CNPY4: variants seen among roughly 807,000 people sequenced by gnomAD.
CNPY4 encodes protein canopy homolog 4.
In CNPY4, 33 loss-of-function variants were observed where a neutral mutation model predicts 30.1. The observed-to-expected ratio is 1.10, with a 90% CI of 0.83 to 1.46. CNPY4 has a LOEUF of 1.46. Among genes scored for constraint, CNPY4 ranks in the 40% most tolerant of loss-of-function variants. The pLI, the probability that CNPY4 is intolerant of heterozygous loss-of-function variation, is 0.00. For missense variants in CNPY4, 324 were observed against 302.6 expected (o/e 1.07, Z -0.52); for synonymous variants, 109 against 110.1 (o/e 0.99, Z 0.06).
intron 1 of CNPY4, 191 bp from the exon 2 acceptor site, chr7:100,122,068 A>ATT: frequency 2.1e-6 from 1 of 483,178 alleles, no homozygotes; most frequent in Non-Finnish European, 3.6e-6. Flanking sequence ...AAAAAAAAAG[A>ATT]TGAAGAAACC....
chr7:100,123,993 G>A (rs1057130248), intron 4 of CNPY4, among the ~76,000 whole-genome samples: 1 of 152,038 alleles, frequency 6.6e-6, no homozygotes. Flanking sequence ...GCCGGGCGTG[G>A]TGGTGTGGTG....
At chr7:100,124,066 G>A (rs1298051382) in intron 4 of CNPY4, among the ~76,000 whole-genome samples, 1 of 151,846 alleles carries the variant, frequency 6.6e-6, no homozygotes, top group Non-Finnish European at 1.5e-5. Context: ...GAACCCGGGA[G>A]GCGGAGGTTG....
chr7:100,124,657 C>A (rs757837953), intron 5 of CNPY4, 26 bp downstream of exon 5: 4 of 1,611,666 alleles, frequency 2.5e-6, no homozygotes, highest in Non-Finnish European at 3.4e-6. Context: ...GAACTCCTCT[C>A]CTGCCAAGCC....
chr7:100,123,543 G>A (rs902524403), intron 4 of CNPY4, among the ~76,000 whole-genome samples: 2 of 151,532 alleles, frequency 1.3e-5, no homozygotes, highest in East Asian at 1.9e-4. Context: ...TTTTCAAGAC[G>A]GAGTTTCACT....
rs1232282877 is a variant in CNPY4, at chr7:100,124,816, G to A, written c.675G>A (p.Glu225=). ...GEEEQEEEEE[E]EEEEGGDKMT... ...AAGAGCAGGAGGAGGAGGAGGAAGA[G>A]GAGGAAGAGGAAGGGGGAGACAAGA... The change falls in exon 6 of 6, where the codon GAG becomes GAA. Residue 225 remains glutamate (E), a synonymous_variant. Transcript: ENST00000262932. 2 of 1,613,524 alleles carry A rather than the reference G, an allele frequency of 1.2e-6. No homozygotes were observed. Among genetic ancestry groups the A allele is most frequent in the Non-Finnish European group, 8.5e-7 (1 of 1,179,694 alleles).
rs777942559 is a variant in CNPY4, at chr7:100,119,836, CAG to C, written c.94_95del (p.Glu32ThrfsTer10). The C allele has an allele frequency of 6.2e-7, 1 of 1,613,096 alleles. No individual in the cohort carries two copies. Among genetic ancestry groups the C allele is most frequent in the Non-Finnish European group, 8.5e-7 (1 of 1,179,784 alleles). ...ATGTTGAAGGAGGAGGACGATGACA[CAG>C]AACGCTTGCCCAGCAAATGCGAAGG... On this transcript the variant is annotated frameshift_variant, in exon 1 of 6. Transcript: ENST00000262932. LOFTEE classifies it high-confidence loss of function.
Position 100,125,159 on chromosome 7 carries a change from T to C in CNPY4, c.*271T>C, listed in dbSNP as rs1798179740. ...TGTATGTGCTGACAGTACTGAAAGC[T>C]TTCCTCTTTAACTGATCCCACCCCC... On this transcript the variant is annotated 3_prime_UTR_variant, in exon 6 of 6. Coordinates refer to ENST00000262932, the MANE Select transcript of CNPY4 (RefSeq NM_152755.2). The C allele has an allele frequency of 5.1e-6, 2 of 395,428 alleles. No homozygotes were observed. The highest frequency in any genetic ancestry group is 9.0e-6 in the Non-Finnish European group (2 of 221,422). 24.5% of individuals were successfully genotyped at this position (395,428 alleles called of 1,614,324 possible). A position where few individuals can be genotyped will look rare whatever the true frequency, so the allele number is the denominator to read the frequency against.
At chr7:100,121,837 T>C (rs1290914501) in intron 1 of CNPY4, among the ~76,000 whole-genome samples, 1 of 150,218 alleles carries the variant, frequency 6.7e-6, no homozygotes, top group East Asian at 2.0e-4. Context: ...GATCACAAGG[T>C]CAGCTGATCG....
At position 100,122,568 on chromosome 7, in the gene CNPY4, A is replaced by C; in HGVS notation, c.333A>C (p.Arg111Ser). ...SVHAERKGSLRYAKGQSQTMA... is the reference protein window; with the variant it reads ...SVHAERKGSLSYAKGQSQTMA... ...ACGCTGAGCGCAAGGGCTCACTGAG[A>C]TATGCCAAGGTCAGACCCTTCCCCA... is the stretch of plus-strand genomic sequence containing the variant. The change falls in exon 3 of 6, where the codon AGA becomes AGC. Residue 111 changes from arginine (R) to serine (S), a missense_variant. Coordinates refer to ENST00000262932, the MANE Select transcript of CNPY4 (RefSeq NM_152755.2). The C allele has an allele frequency of 6.2e-7, 1 of 1,609,086 alleles. No individual in the cohort carries two copies. The highest frequency in any genetic ancestry group is 8.5e-7 in the Non-Finnish European group (1 of 1,177,142).
intron 1 of CNPY4, among the ~76,000 whole-genome samples, chr7:100,121,595 C>T (rs543152269): frequency 2.0e-4 from 30 of 151,850 alleles, no homozygotes; most frequent in Non-Finnish European, 4.1e-4. Context: ...CAGGTGCGCA[C>T]CACCACACCT....
Position 100,124,506 on chromosome 7 carries a change from T to A in CNPY4, c.466-8T>A. ...GCAGATACTCTTCTGGCCCTTCTACTTGACCAGTGTGAGACCATGTTGGAG... is the reference window on the plus strand; with the variant it reads ...GCAGATACTCTTCTGGCCCTTCTACATGACCAGTGTGAGACCATGTTGGAG... On this transcript the variant is annotated splice_region_variant and splice_polypyrimidine_tract_variant and intron_variant, in intron 4 of 5. Transcript: ENST00000262932. 1 of 1,603,070 alleles carries A rather than the reference T, an allele frequency of 6.2e-7. No homozygotes were observed. Among genetic ancestry groups the A allele is most frequent in the Non-Finnish European group, 8.5e-7 (1 of 1,171,242 alleles).
chr7:100,122,666 C>G, intron 3 of CNPY4, 89 bp downstream of exon 3: 1 of 1,508,432 alleles, frequency 6.6e-7, no homozygotes, highest in South Asian at 1.3e-5. Context: ...TGCCCATCAT[C>G]TCACCATCAT....
Position 100,124,793 on chromosome 7 carries a change from G to A in CNPY4, c.652G>A (p.Glu218Lys). ...DGEEKTEGEEEQEEEEEEEEE... is the reference protein window; with the variant it reads ...DGEEKTEGEEKQEEEEEEEEE... ...GGAAGAGAAAACAGAAGGGGAGGAA[G>A]AGCAGGAGGAGGAGGAGGAAGAGGA... Residue 218 changes from glutamate (E) to lysine (K), a missense_variant, in exon 6 of 6, where the codon GAG (glutamate) becomes AAG (lysine). Coordinates refer to ENST00000262932, the MANE Select transcript of CNPY4 (RefSeq NM_152755.2). The A allele has an allele frequency of 6.2e-7, 1 of 1,613,008 alleles. No individual in the cohort carries two copies. The highest frequency in any genetic ancestry group is 8.5e-7 in the Non-Finnish European group (1 of 1,179,910).
Position 100,119,675 on chromosome 7 carries a change from A to G in CNPY4, c.-70A>G, listed in dbSNP as rs774493176. On this transcript the variant is annotated 5_prime_UTR_variant, in exon 1 of 6. Coordinates refer to ENST00000262932, the MANE Select transcript of CNPY4 (RefSeq NM_152755.2). ...TAAGGTTGCCGCTAGCCGCCTGGGA[A>G]TTTAAGGGACCCACACTACCTTCCC... 36 of 1,611,598 alleles carry G rather than the reference A, an allele frequency of 2.2e-5. No homozygotes were observed. The highest frequency in any genetic ancestry group is 2.9e-5 in the Non-Finnish European group (34 of 1,178,986).
In CNPY4 at chr7:100,123,359, CAAAAACAAAAAA is replaced by C. The variant is rs1208659287; in HGVS notation, c.465+457_465+468del. ...TCCATCTTAAAAAAAAAAACAAAAA[CAAAAACAAAAAA>C]AAAGAAATCATAATGAGCCGGGTGG... On this transcript the variant is annotated intron_variant, in intron 4 of 5. Transcript: ENST00000262932. Among the ~76,000 whole-genome samples the C allele has an allele frequency of 4.2e-4, 64 of 150,818 alleles. 1 individual carries two copies. The highest frequency in any genetic ancestry group is 5.8e-4 in the Non-Finnish European group (39 of 67,692).
At chr7:100,121,113 T>TATATATAC (rs1562938318) in intron 1 of CNPY4, 3 of 35,126 alleles carry the variant, frequency 8.5e-5, no homozygotes, top group Admixed American at 3.4e-4. Flanking sequence ...TATATATATA[T>TATATATAC]ATATTTTTTT....
chr7:100,120,273 C>T (rs865889090), intron 1 of CNPY4: 84 of 156,922 alleles, frequency 5.4e-4, no homozygotes, highest in Middle Eastern at 3.2e-3. Flanking sequence ...CATAGACGCT[C>T]CCAAATTACA....
At position 100,124,945 on chromosome 7, in the gene CNPY4, G is replaced by A; in HGVS notation, c.*57G>A. ...GATCATGGAGAGCCCTCTAAAGCCT[G>A]CACTCTCCCTGCTCCACAGCTTTCA... On this transcript the variant is annotated 3_prime_UTR_variant, in exon 6 of 6. Coordinates refer to ENST00000262932, the MANE Select transcript of CNPY4 (RefSeq NM_152755.2). 2 of 1,521,240 alleles carry A rather than the reference G, an allele frequency of 1.3e-6. No individual in the cohort carries two copies. The highest frequency in any genetic ancestry group is 2.6e-5 in the South Asian group (2 of 75,688). 94.2% of individuals were successfully genotyped at this position (1,521,240 alleles called of 1,614,324 possible).
In CNPY4 at chr7:100,124,914, G is replaced by C; in HGVS notation, c.*26G>C. ...CCCTTGCCTTTGAGCCCCCAGGAGG[G>C]GAAGGGATCATGGAGAGCCCTCTAA... On this transcript the variant is annotated 3_prime_UTR_variant, in exon 6 of 6. Coordinates refer to ENST00000262932, the MANE Select transcript of CNPY4 (RefSeq NM_152755.2). The C allele has an allele frequency of 6.4e-7, 1 of 1,561,828 alleles. No individual in the cohort carries two copies.
Sources: allele counts gnomAD v4.1 joint callset (sites outside exome capture counted in the v4.1 genomes callset), GRCh38; gene constraint gnomAD v4.1.1; transcripts MANE v1.5; gene names NCBI Gene and HGNC (gene_info 2026-07-23, HGNC 2026-07-21).